KLRG1: variants seen among roughly 807,000 people sequenced by gnomAD.
KLRG1 encodes the protein killer cell lectin like receptor G1.
In KLRG1, 16 loss-of-function variants were observed where a neutral mutation model predicts 21.8. That is an observed-to-expected ratio of 0.73 (90% CI 0.50 to 1.11). The LOEUF (loss-of-function observed/expected upper bound fraction) is 1.11. KLRG1 is among the 50% of genes most tolerant of loss of function. The pLI, the probability that KLRG1 is intolerant of heterozygous loss-of-function variation, is 0.00. For synonymous variants in KLRG1, 69 were observed against 75.9 expected, an observed-to-expected ratio of 0.91 and a Z score of 0.47; for missense variants, 173 against 218.3, an observed-to-expected ratio of 0.79 and a Z score of 1.31.
At chr12:9,194,161 GTAA>G in the KLRG1 span, 1 of 1,613,898 alleles carries the variant, frequency 6.2e-7, no homozygotes, top group Non-Finnish European at 8.5e-7. Context: ...TTGCATTGGA[GTAA>G]TAATTGGCGT....
intron 2 of KLRG1, among the ~76,000 whole-genome samples, chr12:8,994,479 T>C (rs1420576096): frequency 6.6e-6 from 1 of 152,222 alleles, no homozygotes; most frequent in African/African-American, 2.4e-5. Flanking sequence ...TTAGCACCTG[T>C]TATGCTTCTC....
chr12:9,196,252 G>A, the KLRG1 span: 23 of 951,776 alleles, frequency 2.4e-5, no homozygotes, highest in Admixed American at 6.1e-5. Flanking sequence ...CACTAACCAA[G>A]TGTGGGCTGC....
At chr12:9,115,824 G>A in the KLRG1 span, 4 of 1,613,454 alleles carry the variant, frequency 2.5e-6, no homozygotes. Context: ...AACCAGACTT[G>A]GATGAAGGAG....
chr12:8,955,026 T>C (rs1471726626), intron 1 of KLRG1, among the ~76,000 whole-genome samples: 2 of 151,914 alleles, frequency 1.3e-5, no homozygotes, highest in South Asian at 2.1e-4. Context: ...AAGCTATTCT[T>C]CTGCCTCAGC....
At chr12:9,138,107 G>A in the KLRG1 span, among the ~76,000 whole-genome samples, 1 of 151,970 alleles carries the variant, frequency 6.6e-6, no homozygotes, top group Non-Finnish European at 1.5e-5. Flanking sequence ...GTTCTTAAAG[G>A]AAAAGCTTTC....
chr12:9,043,348 GATTAC>G, the KLRG1 span, among the ~76,000 whole-genome samples: 547 of 152,290 alleles, frequency 3.6e-3, 2 homozygotes, highest in Middle Eastern at 0.021. Flanking sequence ...AAAGTGTTGG[GATTAC>G]AGGCATAAGC....
the KLRG1 span, among the ~76,000 whole-genome samples, chr12:9,055,395 G>A: frequency 6.6e-6 from 1 of 152,304 alleles, no homozygotes; most frequent in East Asian, 1.9e-4. Context: ...AACTTTCCCA[G>A]ATTGCCATTA....
the KLRG1 span, chr12:9,151,526 T>C: frequency 5.8e-4 from 698 of 1,198,334 alleles, 4 homozygotes; most frequent in East Asian, 5.9e-3. Context: ...TTCCTCATGT[T>C]ACCGACTATT....
chr12:9,003,475 A>T lies in KLRG1; in HGVS notation c.358-5500A>T, dbSNP rs192196753. On this transcript the variant is annotated intron_variant, in intron 3 of 4. Transcript: ENST00000356986. ...TTCACACCAATTTTGTGAAAATATT[A>T]AAAAAAATCCATTCTTTTTTTCCTA... Among the ~76,000 whole-genome samples, 1,319 of 152,032 alleles carry T rather than the reference A, an allele frequency of 8.7e-3. 9 individuals carry two copies. Among genetic ancestry groups the T allele is most frequent in the Non-Finnish European group, 0.013 (860 of 67,982 alleles).
At chr12:9,168,585 TACTC>T in the KLRG1 span, 1 of 296,428 alleles carries the variant, frequency 3.4e-6, no homozygotes, top group Non-Finnish European at 6.2e-6. Flanking sequence ...TAATCAGAAT[TACTC>T]TTTCTTTCCA....
intron 1 of KLRG1, among the ~76,000 whole-genome samples, chr12:8,977,883 G>A (rs1186505305): frequency 1.3e-5 from 2 of 152,038 alleles, no homozygotes; most frequent in Admixed American, 6.6e-5. Context: ...TTTTGAGACA[G>A]GGTCTCACTT....
At chr12:9,060,008 T>TC in the KLRG1 span, among the ~76,000 whole-genome samples, 3 of 138,768 alleles carry the variant, frequency 2.2e-5, no homozygotes, top group East Asian at 6.1e-4. Flanking sequence ...TTTTTTTTTT[T>TC]TTTTTTTTTT....
upstream of KLRG1, chr12:8,989,497 T>C (rs1946904054): frequency 1.6e-6 from 1 of 610,388 alleles, no homozygotes; most frequent in Admixed American, 3.3e-5. Flanking sequence ...ATTTGAATCA[T>C]TTCCTGAAAA....
the KLRG1 span, among the ~76,000 whole-genome samples, chr12:9,207,910 G>T: frequency 6.6e-6 from 1 of 152,004 alleles, no homozygotes; most frequent in Non-Finnish European, 1.5e-5. Context: ...ATATATATAT[G>T]GCCTACAATA....
the KLRG1 span, chr12:9,158,600 C>T: frequency 6.2e-7 from 1 of 1,611,454 alleles, no homozygotes; most frequent in Admixed American, 1.7e-5. Flanking sequence ...AAATGCAGTG[C>T]TGAGGCTCTT....
chr12:9,089,864 A>G, the KLRG1 span: 2 of 1,358,126 alleles, frequency 1.5e-6, no homozygotes, highest in Non-Finnish European at 2.0e-6. Context: ...CATATATTAT[A>G]TATTATTGTG....
the KLRG1 span, among the ~76,000 whole-genome samples, chr12:9,042,473 A>T: frequency 6.6e-6 from 1 of 152,160 alleles, no homozygotes; most frequent in African/African-American, 2.4e-5. Flanking sequence ...TGCCTCCTGA[A>T]CCCTCTCAGC....
At chr12:9,101,041 C>A in the KLRG1 span, 3 of 1,124,660 alleles carry the variant, frequency 2.7e-6, no homozygotes, top group Non-Finnish European at 3.8e-6. Flanking sequence ...CCTGTTCCCC[C>A]AAAAACCTAT....
chr12:9,067,375 C>A, the KLRG1 span: 2 of 268,598 alleles, frequency 7.4e-6, no homozygotes, highest in South Asian at 8.9e-5. Flanking sequence ...ATGACATGTT[C>A]AATGTTGTAT....
Sources: allele counts gnomAD v4.1 joint callset (sites outside exome capture counted in the v4.1 genomes callset), GRCh38; gene constraint gnomAD v4.1.1; transcripts MANE v1.5; gene names NCBI Gene and HGNC (gene_info 2026-07-23, HGNC 2026-07-21).